DCDC1: variants seen among roughly 807,000 people sequenced by gnomAD.
DCDC1 encodes doublecortin domain containing 1, also known as doublecortin domain-containing protein 1.
A neutral mutation model predicts 178.3 loss-of-function variants in DCDC1; 200 were observed. The observed-to-expected ratio is 1.12, with a 90% CI of 1.00 to 1.26. DCDC1 has a LOEUF of 1.26. DCDC1 is among the 50% of genes most tolerant of loss of function. The probability of loss-of-function intolerance (pLI) is 0.00; values close to 1 mark genes in which losing one functional copy is unlikely to be tolerated. For synonymous variants in DCDC1, 690 were observed against 604.8 expected (o/e 1.14, Z -2.07); for missense variants, 1,983 against 1,749.2 (o/e 1.13, Z -2.38).
Position 31,144,009 on chromosome 11 carries a change from C to T in DCDC1, c.1222-6225G>A, listed in dbSNP as rs1379974366. 2.6e-5 allele frequency among the ~76,000 whole-genome samples: 4 copies of T among 152,146 alleles called. 1 individual carries two copies. The highest frequency in any genetic ancestry group is 4.1e-4 in the South Asian group (2 of 4,828). Reference sequence around the variant, plus strand: ...AACCACCATAATATTTGATAATCAGCAAACCAAAACACAACCATTTTAAAA... The same window carrying T: ...AACCACCATAATATTTGATAATCAGTAAACCAAAACACAACCATTTTAAAA... On this transcript the variant is annotated intron_variant, in intron 9 of 38. Coordinates refer to ENST00000684477, the MANE Select transcript of DCDC1 (RefSeq NM_001387274.1).
At chr11:31,282,329 G>A (rs561802218) in intron 7 of DCDC1, among the ~76,000 whole-genome samples, 193 of 151,768 alleles carry the variant, frequency 1.3e-3, no homozygotes, top group African/African-American at 4.4e-3. Context: ...TCTATATCTA[G>A]AAGGACAAGA....
Position 30,921,177 on chromosome 11 carries a change from G to A in DCDC1, c.3134-242C>T, listed in dbSNP as rs949319492. ...AAAGATCAGTTAATTATCATATATC[G>A]TAATTATTCAAATGGGCTACATTAT... On this transcript the variant is annotated intron_variant, in intron 24 of 38. Transcript: ENST00000684477. 3.9e-5 allele frequency among the ~76,000 whole-genome samples: 6 copies of A among 151,970 alleles called. 1 individual carries two copies. Among genetic ancestry groups the A allele is most frequent in the Middle Eastern group, 6.9e-3 (2 of 290 alleles).
At chr11:30,986,459 A>G (rs930619587) in intron 20 of DCDC1, among the ~76,000 whole-genome samples, 4 of 151,864 alleles carry the variant, frequency 2.6e-5, no homozygotes, top group Admixed American at 2.0e-4. Context: ...CAGCCTCCCA[A>G]TTAGCTGGGA....
chr11:30,932,653 G>C (rs1425004646), intron 21 of DCDC1, among the ~76,000 whole-genome samples: 2 of 152,176 alleles, frequency 1.3e-5, no homozygotes, highest in Non-Finnish European at 2.9e-5. Flanking sequence ...TTACAATAGT[G>C]TAAGTATGAC....
intron 1 of DCDC1, among the ~76,000 whole-genome samples, chr11:31,362,820 G>C (rs564499309): frequency 2.6e-5 from 4 of 152,094 alleles, no homozygotes; most frequent in Admixed American, 1.3e-4. Context: ...TCATTATTTT[G>C]GCATTTAATC....
intron 20 of DCDC1, among the ~76,000 whole-genome samples, chr11:31,005,361 C>A (rs1318438507): frequency 1.3e-5 from 2 of 152,178 alleles, no homozygotes; most frequent in Non-Finnish European, 2.9e-5. Context: ...TGCTAGATCA[C>A]TTTCTGCTTT....
chr11:31,094,733 A>G (rs1958041046), intron 15 of DCDC1, among the ~76,000 whole-genome samples: 2 of 152,190 alleles, frequency 1.3e-5, no homozygotes, highest in Admixed American at 6.6e-5. Context: ...TCCAAACTGT[A>G]GAAAGTGTCA....
At chr11:30,946,253 G>C (rs1013332230) in intron 21 of DCDC1, among the ~76,000 whole-genome samples, 1 of 152,118 alleles carries the variant, frequency 6.6e-6, no homozygotes, top group African/African-American at 2.4e-5. Context: ...ACGTTATCCT[G>C]CCTGATCTCT....
intron 8 of DCDC1, among the ~76,000 whole-genome samples, chr11:31,255,332 G>A (rs1431424068): frequency 6.6e-6 from 1 of 152,052 alleles, no homozygotes. Context: ...GAATTGCAGG[G>A]CCATGTGGTA....
chr11:30,919,354 A>G (rs1438685412), intron 25 of DCDC1, among the ~76,000 whole-genome samples: 1 of 152,194 alleles, frequency 6.6e-6, no homozygotes, highest in Non-Finnish European at 1.5e-5. Context: ...AGGCTTGAGC[A>G]AAAGAGCCTG....
At chr11:31,010,399 G>T (rs1274584701) in intron 20 of DCDC1, among the ~76,000 whole-genome samples, 1 of 152,224 alleles carries the variant, frequency 6.6e-6, no homozygotes, top group African/African-American at 2.4e-5. Flanking sequence ...GATGCCACCT[G>T]CAGTTGCCCG....
chr11:30,988,884 A>G (rs923204844), intron 20 of DCDC1, among the ~76,000 whole-genome samples: 9 of 152,144 alleles, frequency 5.9e-5, no homozygotes, highest in Non-Finnish European at 1.0e-4. Context: ...AATACTTCAA[A>G]TGAGCTTCAT....
chr11:31,265,881 CTATTATTATCTATTATT>C (rs984017638), intron 7 of DCDC1, among the ~76,000 whole-genome samples: 2 of 148,382 alleles, frequency 1.3e-5, no homozygotes, highest in Non-Finnish European at 3.0e-5. Context: ...TATTATTTAT[CTATTATTATCTATTATT>C]TATTATTATC....
intron 35 of DCDC1, among the ~76,000 whole-genome samples, chr11:30,893,715 A>G (rs1943978177): frequency 6.6e-6 from 1 of 152,212 alleles, no homozygotes; most frequent in African/African-American, 2.4e-5. Context: ...GAAAAACTTC[A>G]CAAAGCAAAA....
intron 9 of DCDC1, among the ~76,000 whole-genome samples, chr11:31,208,821 T>C (rs1468932700): frequency 6.6e-6 from 1 of 152,212 alleles, no homozygotes; most frequent in Non-Finnish European, 1.5e-5. Flanking sequence ...ATCTTTCTTA[T>C]CATTCAGCTA....
At chr11:30,906,396 A>G (rs1456448108) in intron 30 of DCDC1, 144 bp downstream of exon 30, 9 of 789,062 alleles carry the variant, frequency 1.1e-5, no homozygotes, top group East Asian at 8.1e-5. Flanking sequence ...AAGGAAATCA[A>G]TGCAGGTAGA....
intron 10 of DCDC1, among the ~76,000 whole-genome samples, chr11:31,129,940 T>A (rs1241902158): frequency 6.6e-6 from 1 of 152,116 alleles, no homozygotes; most frequent in Non-Finnish European, 1.5e-5. Flanking sequence ...TAACCAAATG[T>A]CTCTTCTCAC....
chr11:30,937,936 A>G (rs1947378013), intron 21 of DCDC1, among the ~76,000 whole-genome samples: 2 of 151,906 alleles, frequency 1.3e-5, no homozygotes, highest in Admixed American at 6.6e-5. Context: ...ACTACTCCTC[A>G]AGCAGCCTGA....
intron 7 of DCDC1, among the ~76,000 whole-genome samples, chr11:31,281,442 A>T (rs1016858259): frequency 6.6e-6 from 1 of 151,820 alleles, no homozygotes; most frequent in Admixed American, 6.6e-5. Flanking sequence ...TTGCTATGAA[A>T]ATTTTTTTTT....
Sources: allele counts gnomAD v4.1 joint callset (sites outside exome capture counted in the v4.1 genomes callset), GRCh38; gene constraint gnomAD v4.1.1; transcripts MANE v1.5; gene names NCBI Gene and HGNC (gene_info 2026-07-23, HGNC 2026-07-21).